Variants in ENOX1 observed in about 807,000 individuals in gnomAD.
The protein encoded by ENOX1 is candidate growth-related and time keeping constitutive hydroquinone (NADH) oxidase.
In ENOX1, 42 loss-of-function variants were observed where a neutral mutation model predicts 82.5. That is an observed-to-expected ratio of 0.51 (90% confidence interval 0.40 to 0.66). The LOEUF is 0.66. Among genes scored for constraint, ENOX1 ranks in the 30% least tolerant of loss-of-function variants. The probability of loss-of-function intolerance (pLI) is 0.00; values close to 1 mark genes in which losing one functional copy is unlikely to be tolerated. For missense variants in ENOX1, 608 were observed against 811.6 expected (o/e 0.75, Z 3.05); for synonymous variants, 271 against 282.2 (o/e 0.96, Z 0.40).
chr13:43,351,415 T>A lies in ENOX1; in HGVS notation c.823+4504A>T, dbSNP rs9567156. On this transcript the variant is annotated intron_variant, in intron 8 of 16. Coordinates refer to ENST00000690772, the MANE Select transcript of ENOX1 (RefSeq NM_001347969.2). ...TTCTTTTTATTTTATTTATTTATTT[T>A]ATTTATTTATTTATTTATTTTTTAT... Among the ~76,000 whole-genome samples the A allele has an allele frequency of 1.9e-3, 100 of 54,038 alleles. No homozygotes were observed. In the East Asian group the frequency reaches 0.019, roughly 10 times the overall value. The allele number at this position is 54,038 out of a possible 152,430, so 35.5% of individuals were successfully genotyped here. A position where few individuals can be genotyped will look rare whatever the true frequency, so the allele number is the denominator to read the frequency against.
At chr13:43,514,901 C>A (rs200699068) in intron 2 of ENOX1, among the ~76,000 whole-genome samples, 23 of 152,230 alleles carry the variant, frequency 1.5e-4, no homozygotes, top group Admixed American at 5.9e-4. Context: ...TGTAGCCCCC[C>A]CTTCCTAAAA....
At chr13:43,521,022 G>C (rs2077745903) in intron 2 of ENOX1, among the ~76,000 whole-genome samples, 1 of 152,004 alleles carries the variant, frequency 6.6e-6, no homozygotes, top group East Asian at 1.9e-4. Context: ...AGGAAACAAT[G>C]GTTTTTCCTT....
intron 5 of ENOX1, among the ~76,000 whole-genome samples, chr13:43,392,652 G>A (rs932178409): frequency 3.3e-5 from 5 of 152,144 alleles, no homozygotes; most frequent in Admixed American, 2.0e-4. Flanking sequence ...CCAAGATCAC[G>A]CCATTGCACT....
intron 5 of ENOX1, among the ~76,000 whole-genome samples, chr13:43,377,242 T>C (rs1025857586): frequency 2.0e-5 from 3 of 152,170 alleles, no homozygotes; most frequent in Non-Finnish European, 4.4e-5. Flanking sequence ...GATAAAAAGA[T>C]AAGGTCAGTC....
intron 11 of ENOX1, among the ~76,000 whole-genome samples, chr13:43,313,037 C>T (rs2047296107): frequency 6.6e-6 from 1 of 152,170 alleles, no homozygotes; most frequent in Non-Finnish European, 1.5e-5. Context: ...TATGGTATCA[C>T]TGAAGGCATT....
chr13:43,301,850 G>A (rs1566460664), intron 11 of ENOX1, among the ~76,000 whole-genome samples: 1 of 152,096 alleles, frequency 6.6e-6, no homozygotes, highest in Non-Finnish European at 1.5e-5. Context: ...CTGCCTGGAA[G>A]AGGCTATATT....
intron 12 of ENOX1, among the ~76,000 whole-genome samples, chr13:43,281,217 A>G (rs1288044967): frequency 6.6e-6 from 1 of 152,184 alleles, no homozygotes; most frequent in Non-Finnish European, 1.5e-5. Flanking sequence ...TAATAGCAGC[A>G]GCAGCAGCAG....
chr13:43,643,088 T>C (rs1309083338), intron 2 of ENOX1, among the ~76,000 whole-genome samples: 2 of 152,118 alleles, frequency 1.3e-5, no homozygotes, highest in Non-Finnish European at 2.9e-5. Context: ...TAAAGAAAAA[T>C]TGTTATTGAT....
At chr13:43,616,707 AC>A (rs2082495734) in intron 2 of ENOX1, among the ~76,000 whole-genome samples, 1 of 152,172 alleles carries the variant, frequency 6.6e-6, no homozygotes, top group Non-Finnish European at 1.5e-5. Flanking sequence ...ATTAAATTTA[AC>A]AAATATATCG....
intron 3 of ENOX1, among the ~76,000 whole-genome samples, chr13:43,436,216 A>G (rs1012717602): frequency 1.3e-4 from 20 of 152,244 alleles, no homozygotes; most frequent in African/African-American, 4.8e-4. Flanking sequence ...GTTTTCCTAC[A>G]TAAAGATGCT....
intron 5 of ENOX1, among the ~76,000 whole-genome samples, chr13:43,397,745 A>C (rs974054818): frequency 6.6e-6 from 1 of 152,250 alleles, no homozygotes; most frequent in African/African-American, 2.4e-5. Flanking sequence ...ATTACAGTTC[A>C]ATCATGTTTT....
intron 12 of ENOX1, among the ~76,000 whole-genome samples, chr13:43,289,663 T>C (rs1052249547): frequency 4.6e-5 from 7 of 152,168 alleles, no homozygotes; most frequent in African/African-American, 1.7e-4. Flanking sequence ...ACTTTGGCAT[T>C]GGCAAAGATT....
At chr13:43,328,898 T>C (rs886706867) in intron 9 of ENOX1, among the ~76,000 whole-genome samples, 26 of 152,178 alleles carry the variant, frequency 1.7e-4, no homozygotes, top group Admixed American at 1.3e-4. Flanking sequence ...AAATATATGA[T>C]CAAGGCCCAG....
intron 2 of ENOX1, among the ~76,000 whole-genome samples, chr13:43,633,434 A>T (rs1210493337): frequency 1.3e-5 from 2 of 152,308 alleles, no homozygotes; most frequent in Admixed American, 1.3e-4. Context: ...ACACAAAGAT[A>T]CAAGGTAGTT....
At chr13:43,628,369 C>T (rs528462091) in intron 2 of ENOX1, among the ~76,000 whole-genome samples, 2 of 152,282 alleles carry the variant, frequency 1.3e-5, no homozygotes, top group South Asian at 4.1e-4. Flanking sequence ...GCCTTCCTTT[C>T]TCCCCTTCAC....
chr13:43,655,469 TC>T (rs1437389457), intron 2 of ENOX1, among the ~76,000 whole-genome samples: 1 of 152,158 alleles, frequency 6.6e-6, no homozygotes, highest in Admixed American at 6.5e-5. Flanking sequence ...AGTCCTGTCA[TC>T]AAGTCAAATT....
intron 2 of ENOX1, among the ~76,000 whole-genome samples, chr13:43,550,131 G>A (rs2079130246): frequency 6.6e-6 from 1 of 152,150 alleles, no homozygotes; most frequent in Admixed American, 6.5e-5. Context: ...CTGATAGGAG[G>A]TGGAGCTCAG....
chr13:43,555,769 G>C (rs1252267771), intron 2 of ENOX1, among the ~76,000 whole-genome samples: 4 of 152,228 alleles, frequency 2.6e-5, no homozygotes, highest in Non-Finnish European at 4.4e-5. Context: ...GATGTGCTAA[G>C]AGTTTAGAAT....
intron 3 of ENOX1, among the ~76,000 whole-genome samples, chr13:43,417,241 A>AGGGAGAGGGAAAGGGAG (rs749590659): frequency 8.3e-5 from 3 of 36,264 alleles, no homozygotes; most frequent in African/African-American, 2.6e-4. Flanking sequence ...GAGACGGGAG[A>AGGGAGAGGGAAAGGGAG]CGGGAGAGGG....
Sources: gnomAD v4.1 joint callset for allele counts (sites outside exome capture counted in the v4.1 genomes callset) on GRCh38, gnomAD v4.1.1 for gene constraint, MANE v1.5 for transcripts, NCBI Gene and HGNC (gene_info 2026-07-23, HGNC 2026-07-21) for gene names.